Variants in GLIS3 observed in about 807,000 individuals in gnomAD.
GLIS3 encodes zinc finger protein GLIS3.
A neutral mutation model predicts 78.6 loss-of-function variants in GLIS3; 53 were observed. That is an observed-to-expected ratio of 0.67 (90% CI 0.54 to 0.85). GLIS3 has a LOEUF of 0.85. Among genes scored for constraint, GLIS3 ranks in the 40% least tolerant of loss-of-function variants. The pLI, the probability that GLIS3 is intolerant of heterozygous loss-of-function variation, is 0.00. For synonymous variants in GLIS3, 684 were observed against 509.9 expected (o/e 1.34, Z -4.60); for missense variants, 1,703 against 1,231.1 (o/e 1.38, Z -5.74).
intron 7 of GLIS3, chr9:3,898,407 T>A (rs958057949): frequency 2.4e-5 from 11 of 449,160 alleles, no homozygotes; most frequent in African/African-American, 2.2e-4. Flanking sequence ...ATCAAGTGAG[T>A]AAATGTAACA....
the GLIS3 span, among the ~76,000 whole-genome samples, chr9:4,388,693 T>A: frequency 6.6e-6 from 1 of 151,542 alleles, no homozygotes; most frequent in East Asian, 1.9e-4. Context: ...ATAAAAAAAA[T>A]AAAAATAAAG....
intron 4 of GLIS3, among the ~76,000 whole-genome samples, chr9:3,988,223 C>T (rs1422017478): frequency 2.6e-5 from 4 of 151,988 alleles, no homozygotes; most frequent in Admixed American, 2.6e-4. Flanking sequence ...AAAAAACATT[C>T]TCAATGAAGA....
the GLIS3 span, among the ~76,000 whole-genome samples, chr9:4,404,367 A>G: frequency 3.3e-5 from 5 of 152,188 alleles, no homozygotes; most frequent in Non-Finnish European, 7.4e-5. Context: ...TATGGAACAA[A>G]TGAACCTAAT....
At chr9:4,276,379 G>A (rs1354387802) in intron 2 of GLIS3, among the ~76,000 whole-genome samples, 1 of 41,234 alleles carries the variant, frequency 2.4e-5, no homozygotes, top group Non-Finnish European at 5.0e-5. Flanking sequence ...CACGGGAGGG[G>A]AGGTGAGGGG....
At chr9:4,321,034 G>A (rs1347926092) in intron 2 of GLIS3, among the ~76,000 whole-genome samples, 2 of 151,972 alleles carry the variant, frequency 1.3e-5, no homozygotes, top group African/African-American at 4.8e-5. Context: ...CATTTCTGCA[G>A]CCTTATTTCA....
rs185129826 is a variant in GLIS3 at position 4,239,102 on chromosome 9, G to C, written c.388+46936C>G. 1.5e-3 allele frequency among the ~76,000 whole-genome samples: 219 copies of C among 143,526 alleles called. 1 individual carries two copies. The highest frequency in any genetic ancestry group is 2.6e-3 in the Non-Finnish European group (174 of 66,756). 94.2% of individuals were successfully genotyped at this position (143,526 alleles called of 152,430 possible). On this transcript the variant is annotated intron_variant, in intron 2 of 10. Transcript: ENST00000381971. Reference sequence around the variant, plus strand: ...CAGTCTATCATTGTTGGACATTTGGGTTGGTTCCAAGTCTTTGCTATTGTG... The same window carrying C: ...CAGTCTATCATTGTTGGACATTTGGCTTGGTTCCAAGTCTTTGCTATTGTG...
chr9:4,229,142 A>T (rs1337411279), intron 2 of GLIS3, among the ~76,000 whole-genome samples: 1 of 152,218 alleles, frequency 6.6e-6, no homozygotes, highest in Non-Finnish European at 1.5e-5. Flanking sequence ...ATATCCATGT[A>T]TAAAAGATGT....
intron 2 of GLIS3, among the ~76,000 whole-genome samples, chr9:4,284,327 C>T (rs1470357839): frequency 6.6e-6 from 1 of 152,154 alleles, no homozygotes; most frequent in East Asian, 1.9e-4. Context: ...TTATTAGTGT[C>T]AGTCAGGATT....
intron 2 of GLIS3, among the ~76,000 whole-genome samples, chr9:4,158,304 G>A (rs1250304162): frequency 1.3e-5 from 2 of 152,118 alleles, no homozygotes; most frequent in Non-Finnish European, 2.9e-5. Flanking sequence ...GTAAACACAT[G>A]TTTGCCATAT....
intron 2 of GLIS3, among the ~76,000 whole-genome samples, chr9:4,276,623 T>C (rs527892072): frequency 6.6e-6 from 1 of 152,190 alleles, no homozygotes; most frequent in South Asian, 2.1e-4. Flanking sequence ...TTCTGCTTCA[T>C]GTCCTGTAGC....
At chr9:3,930,982 T>A (rs1465731117) in intron 6 of GLIS3, among the ~76,000 whole-genome samples, 2 of 152,246 alleles carry the variant, frequency 1.3e-5, no homozygotes, top group Non-Finnish European at 2.9e-5. Context: ...ACTTGCTTTC[T>A]AACTTTATTT....
At chr9:4,391,735 T>C in the GLIS3 span, among the ~76,000 whole-genome samples, 3 of 152,316 alleles carry the variant, frequency 2.0e-5, no homozygotes, top group Non-Finnish European at 4.4e-5. Flanking sequence ...AAGCACTTAG[T>C]ACAATGAAAC....
intron 4 of GLIS3, among the ~76,000 whole-genome samples, chr9:3,957,644 C>T (rs2130868181): frequency 6.6e-6 from 1 of 152,300 alleles, no homozygotes; most frequent in East Asian, 1.9e-4. Flanking sequence ...TGTTATTAGG[C>T]ACATACATAT....
chr9:4,244,678 G>C (rs1052192634), intron 2 of GLIS3, among the ~76,000 whole-genome samples: 5 of 152,070 alleles, frequency 3.3e-5, no homozygotes, highest in Non-Finnish European at 7.4e-5. Flanking sequence ...GGGTTCAAGT[G>C]ATTCTCCTGC....
the GLIS3 span, among the ~76,000 whole-genome samples, chr9:4,373,227 T>C: frequency 1.1e-4 from 17 of 152,194 alleles, no homozygotes; most frequent in Non-Finnish European, 2.1e-4. Context: ...TTCTCAGACA[T>C]CACTGATCAC....
At chr9:4,322,969 G>C (rs1210587673) in intron 2 of GLIS3, among the ~76,000 whole-genome samples, 1 of 152,140 alleles carries the variant, frequency 6.6e-6, no homozygotes, top group East Asian at 1.9e-4. Context: ...TGGTGTTTTA[G>C]TCATGAAGTC....
chr9:4,191,776 T>C (rs1210680898), intron 2 of GLIS3, among the ~76,000 whole-genome samples: 2 of 152,190 alleles, frequency 1.3e-5, no homozygotes, highest in Non-Finnish European at 2.9e-5. Context: ...TTGGCTCTAC[T>C]GGTACCTACC....
chr9:3,908,094 C>G (rs1823845805), intron 6 of GLIS3, among the ~76,000 whole-genome samples: 1 of 152,126 alleles, frequency 6.6e-6, no homozygotes, highest in East Asian at 1.9e-4. Context: ...AAACTAAGAC[C>G]TTAATTTGCC....
the GLIS3 span, among the ~76,000 whole-genome samples, chr9:4,381,742 T>C: frequency 6.6e-6 from 1 of 152,218 alleles, no homozygotes; most frequent in Admixed American, 6.5e-5. Flanking sequence ...GCTGGGGCTG[T>C]GGGAATCCAC....
Sources: allele counts gnomAD v4.1 joint callset (sites outside exome capture counted in the v4.1 genomes callset), GRCh38; gene constraint gnomAD v4.1.1; transcripts MANE v1.5; gene names NCBI Gene and HGNC (gene_info 2026-07-23, HGNC 2026-07-21).